Variants in CCL3L3 observed in about 807,000 individuals in gnomAD.
CCL3L3 encodes C-C motif chemokine ligand 3 like 3, also known as C-C motif chemokine 3-like 1.
A neutral mutation model predicts 9.0 loss-of-function variants in CCL3L3; 6 were observed. That is an observed-to-expected ratio of 0.67 (90% CI 0.37 to 1.32). CCL3L3 has a LOEUF of 1.32. Among genes scored for constraint, CCL3L3 ranks in the 40% most tolerant of loss-of-function variants. CCL3L3 has a pLI of 0.02. For missense variants in CCL3L3, 93 were observed against 117.0 expected, an observed-to-expected ratio of 0.79 and a Z score of 0.95; for synonymous variants, 38 against 45.7, an observed-to-expected ratio of 0.83 and a Z score of 0.68.
chr17:36,195,619 ACT>A (rs1281344469), intron 2 of CCL3L3, 177 bp downstream of exon 2: 2 of 1,060,916 alleles, frequency 1.9e-6, no homozygotes, highest in Admixed American at 1.9e-5. Context: ...GCCCTTCCTG[ACT>A]CTGTAACACC....
chr17:36,195,356 C>T lies in CCL3L3; in HGVS notation c.212G>A (p.Arg71Gln), dbSNP rs1208494865. ...CTCACTGGGGTCAGCACAGACCTGC[C>T]GGCCTCTCTTGGTTAGGAAGCTGTG... The part of the protein sequence containing the change: ...PSVIFLTKRG[R>Q]QVCADPSEEW... Residue 71 changes from arginine to glutamine, a missense_variant, in exon 3 of 3, where the codon CGG becomes CAG. Transcript: ENST00000619989. The T allele has an allele frequency of 2.5e-5, 39 of 1,582,718 alleles. 2 individuals are homozygous for T. The African/African-American group carries it at 2.7e-4, about 11-fold the overall frequency.
chr17:36,195,403 C>A, intron 2 of CCL3L3, 27 bp from the exon 3 acceptor site: 1 of 1,578,202 alleles, frequency 6.3e-7, no homozygotes, highest in African/African-American at 1.3e-5. Context: ...AAGAGTTAAG[C>A]ACTGGGGAAT....
chr17:36,196,694 A>G lies in CCL3L3; in HGVS notation c.-21T>C. On this transcript the variant is annotated 5_prime_UTR_variant, in exon 1 of 3. Transcript: ENST00000619989. ...TGCATGATTGGGAGCAGGTGATGGA[A>G]TGTGGGCTCGAGTGTCAGCAGAGCC... The G allele has an allele frequency of 4.4e-6, 7 of 1,579,162 alleles. 1 individual carries two copies. Among genetic ancestry groups the G allele is most frequent in the Non-Finnish European group, 3.5e-6 (4 of 1,155,120 alleles).
At chr17:36,196,048 GA>G in intron 1 of CCL3L3, 136 bp from the exon 2 acceptor site, 1 of 1,004,592 alleles carries the variant, frequency 1.0e-6, no homozygotes, top group South Asian at 1.4e-5. Flanking sequence ...GTTTTGCAGA[GA>G]AATGTCTCTT....
At position 36,195,036 on chromosome 17, in the gene CCL3L3, G is replaced by T. The variant is rs1314509807; in HGVS notation, c.*250C>A. ...CAGACACACTGTGAGGGAAGGTGGA[G>T]GGGACAGGGGGAACTCTCAGAGCAA... is the stretch of plus-strand genomic sequence containing the variant. On this transcript the variant is annotated 3_prime_UTR_variant, in exon 3 of 3. Transcript: ENST00000619989. 8.7e-6 allele frequency: 4 copies of T among 461,780 alleles called. No individual in the cohort carries two copies. The highest frequency in any genetic ancestry group is 7.2e-5 in the Admixed American group (2 of 27,782). The allele number at this position is 461,780 out of a possible 1,614,324, so 28.6% of individuals were successfully genotyped here.
At chr17:36,196,287 C>T (rs2068620430) in intron 1 of CCL3L3, 7 of 648,294 alleles carry the variant, frequency 1.1e-5, no homozygotes, top group Non-Finnish European at 2.0e-5. Flanking sequence ...GAAGAACAGA[C>T]CCCACTGGGA....
intron 1 of CCL3L3, 96 bp downstream of exon 1, chr17:36,196,502 C>T (rs1306662256): frequency 7.1e-7 from 1 of 1,413,160 alleles, no homozygotes; most frequent in East Asian, 2.3e-5. Context: ...GAACTTCCTT[C>T]TTTTCTCTTC....
intron 2 of CCL3L3, 132 bp from the exon 3 acceptor site, chr17:36,195,508 T>C: frequency 7.9e-7 from 1 of 1,271,044 alleles, no homozygotes; most frequent in Non-Finnish European, 1.2e-6. Context: ...GCCCCCTGCC[T>C]ATCTCCGTCT....
intron 1 of CCL3L3, chr17:36,196,245 G>T: frequency 1.6e-6 from 1 of 641,642 alleles, no homozygotes; most frequent in Non-Finnish European, 2.9e-6. Context: ...AAGGGACAGG[G>T]CTCCTGGGAG....
Position 36,195,269 on chromosome 17 carries a change from C to T in CCL3L3, c.*17G>A, listed in dbSNP as rs1472005558. The T allele has an allele frequency of 3.6e-4, 566 of 1,581,030 alleles. 4 individuals are homozygous for T. In the African/African-American group the frequency reaches 6.7e-3, roughly 19 times the overall value. On this transcript the variant is annotated 3_prime_UTR_variant, in exon 3 of 3. Transcript: ENST00000619989. ...TGGGCCCACTGAGGTCGCTGGGCCT[C>T]GAAGCTTCTGGACCCCTCAGGCACT...
rs1170964994 is a variant in CCL3L3 at position 36,195,151 on chromosome 17, A to C, written c.*135T>G. 88 of 998,612 alleles carry C rather than the reference A, an allele frequency of 8.8e-5. 13 individuals are homozygous for C. Among genetic ancestry groups the C allele is most frequent in the Non-Finnish European group, 2.6e-5 (16 of 623,452 alleles). 61.9% of individuals were successfully genotyped at this position (998,612 alleles called of 1,614,324 possible). A position where few individuals can be genotyped will look rare whatever the true frequency, so the allele number is the denominator to read the frequency against. On this transcript the variant is annotated 3_prime_UTR_variant, in exon 3 of 3. Transcript: ENST00000619989. ...AAATTTAAGTTAAGAAGAGTCCCAC[A>C]GTGTGGCTGTTTGGCAATAACCAGT... is the stretch of plus-strand genomic sequence containing the variant.
At chr17:36,195,620 C>T in intron 2 of CCL3L3, 178 bp downstream of exon 2, 1 of 1,070,910 alleles carries the variant, frequency 9.3e-7, no homozygotes, top group African/African-American at 1.4e-5. Flanking sequence ...CCCTTCCTGA[C>T]TCTGTAACAC....
Position 36,195,312 on chromosome 17 carries a change from C to T in CCL3L3, c.256G>A (p.Val86Ile), listed in dbSNP as rs1473476410. Residue 86 changes from valine to isoleucine, a missense_variant, in exon 3 of 3, where the codon GTC becomes ATC. Transcript: ENST00000619989. Reference sequence around the variant, plus strand: ...CAGGCACTCAGCTCCAGGTCACTGACGTATTTCTGGACCCACTCCTCACTG... The same window carrying T: ...CAGGCACTCAGCTCCAGGTCACTGATGTATTTCTGGACCCACTCCTCACTG... ...DPSEEWVQKY[V>I]SDLELSA 4.1e-5 allele frequency: 65 copies of T among 1,582,414 alleles called. No homozygotes were observed. The highest frequency in any genetic ancestry group is 6.7e-5 in the East Asian group (3 of 44,612).
In CCL3L3 at chr17:36,195,907, C is replaced by A. The variant is rs2142208233; in HGVS notation, c.82G>T (p.Ala28Ser). The change falls in exon 2 of 3, where the codon GCT (alanine) becomes TCT (serine). Residue 28 changes from alanine (A) to serine (S), a missense_variant. Physicochemically the swap from Ala to Ser is moderately conservative, Grantham distance 99. Transcript: ENST00000619989. Reference sequence around the variant, plus strand: ...AAGCAGCAGGCGGTCGGCGTGTCAGCAGCAACTGCGGAGAAAGGAGAGAAT... The same window carrying A: ...AAGCAGCAGGCGGTCGGCGTGTCAGAAGCAACTGCGGAGAAAGGAGAGAAT... ...CNQVLSAPLA[A>S]DTPTACCFSY... 2 of 1,583,038 alleles carry A rather than the reference C, an allele frequency of 1.3e-6. No individual in the cohort carries two copies. The highest frequency in any genetic ancestry group is 2.2e-5 in the East Asian group (1 of 44,608).
In CCL3L3 at chr17:36,196,100, G is replaced by A; in HGVS notation, c.77-188C>T. The A allele has an allele frequency of 4.2e-6, 3 of 708,390 alleles. No homozygotes were observed. The South Asian group carries it at 5.2e-5, about 12-fold the overall frequency. The allele number at this position is 708,390 out of a possible 1,614,324, so 43.9% of individuals were successfully genotyped here. A position where few individuals can be genotyped will look rare whatever the true frequency, so the allele number is the denominator to read the frequency against. On this transcript the variant is annotated intron_variant, in intron 1 of 2. Coordinates refer to ENST00000619989, the MANE Select transcript of CCL3L3 (RefSeq NM_001001437.4). ...TCCTCTTTCCCCTTGACTCTTCATA[G>A]TGGGTTCTCTGTTTCTCTATGTGAT...
At chr17:36,196,050 A>C in intron 1 of CCL3L3, 138 bp from the exon 2 acceptor site, 1 of 1,015,116 alleles carries the variant, frequency 9.9e-7, no homozygotes, top group East Asian at 2.3e-5. Context: ...TTTGCAGAGA[A>C]ATGTCTCTTT....
chr17:36,196,669 T>C lies in CCL3L3; in HGVS notation c.5A>G (p.Gln2Arg). 6.3e-7 allele frequency: 1 copy of C among 1,580,684 alleles called. No homozygotes were observed. The highest frequency in any genetic ancestry group is 8.6e-7 in the Non-Finnish European group (1 of 1,156,268). Residue 2 changes from glutamine (Q) to arginine (R), a missense_variant, in exon 1 of 3, where the codon CAG (glutamine) becomes CGG (arginine). Transcript: ENST00000619989. ...GACGGCAAGGGCAGCAGTGGAGACCTGCATGATTGGGAGCAGGTGATGGAA... is the reference window on the plus strand; with the variant it reads ...GACGGCAAGGGCAGCAGTGGAGACCCGCATGATTGGGAGCAGGTGATGGAA... M[Q>R]VSTAALAVLL...
chr17:36,195,380 T>G lies in CCL3L3; in HGVS notation c.192-4A>C. On this transcript the variant is annotated splice_polypyrimidine_tract_variant and splice_region_variant and intron_variant, in intron 2 of 2. Coordinates refer to ENST00000619989, the MANE Select transcript of CCL3L3 (RefSeq NM_001001437.4). ...CCGGCCTCTCTTGGTTAGGAAGCTG[T>G]GGAGAAGGGAGGAAGAGTTAAGCAC... The G allele has an allele frequency of 1.3e-6, 2 of 1,582,620 alleles. No homozygotes were observed. The highest frequency in any genetic ancestry group is 2.2e-5 in the South Asian group (2 of 89,168).
At position 36,196,710 on chromosome 17, in the gene CCL3L3, C is replaced by T. The variant is rs1262900242; in HGVS notation, c.-37G>A. 4 of 1,568,708 alleles carry T rather than the reference C, an allele frequency of 2.5e-6. 1 individual carries two copies. The highest frequency in any genetic ancestry group is 3.5e-6 in the Non-Finnish European group (4 of 1,146,190). On this transcript the variant is annotated 5_prime_UTR_variant, in exon 1 of 3. Transcript: ENST00000619989. ...GGTGATGGAATGTGGGCTCGAGTGT[C>T]AGCAGAGCCAAGAAGGGACTGACTA...
Sources: gnomAD v4.1 joint callset for allele counts on GRCh38, gnomAD v4.1.1 for gene constraint, MANE v1.5 for transcripts, NCBI Gene and HGNC (gene_info 2026-07-23, HGNC 2026-07-21) for gene names.